SART1: variants seen among roughly 807,000 people sequenced by gnomAD.
The protein encoded by SART1 is spliceosome associated factor 1, recruiter of U4/U6.U5 tri-snRNP.
Under a neutral mutation model 105.0 loss-of-function variants are expected in SART1, and 28 were observed. The observed-to-expected ratio is 0.27, with a 90% confidence interval of 0.20 to 0.37. The LOEUF (loss-of-function observed/expected upper bound fraction) is 0.37, where lower values mean the gene tolerates loss of function less well. Ranked by LOEUF, SART1 falls within the 10% of genes least tolerant of loss-of-function variation. The pLI is 1.00. For missense variants in SART1, 894 were observed against 1,106.5 expected (o/e 0.81, Z 2.72); for synonymous variants, 472 against 462.9 (o/e 1.02, Z -0.25).
intron 1 of SART1, 22 bp downstream of exon 1, chr11:65,962,115 AG>A: frequency 4.3e-5 from 1 of 23,402 alleles, no homozygotes; most frequent in Non-Finnish European, 6.7e-5. Flanking sequence ...GGGCCTGCGC[AG>A]GGGGCGGGTC....
Position 65,976,457 on chromosome 11 carries a change from C to T in SART1, c.1635C>T (p.Pro545=), listed in dbSNP as rs761112338. 9.6e-6 allele frequency: 15 copies of T among 1,570,218 alleles called. No individual in the cohort carries two copies. Among genetic ancestry groups the T allele is most frequent in the East Asian group, 4.5e-5 (2 of 44,592 alleles). Reference sequence around the variant, plus strand: ...GGGGCTGGGAGGAGGATGAGGATCCCGAGCGGAAGGGGGCCATCGTGTTCA... The same window carrying T: ...GGGGCTGGGAGGAGGATGAGGATCCTGAGCGGAAGGGGGCCATCGTGTTCA... The part of the protein sequence containing the change: ...RQRGWEEDED[P]ERKGAIVFNA... The change falls in exon 13 of 20, where the codon CCC becomes CCT. Residue 545 remains proline, a synonymous_variant. Coordinates refer to ENST00000312397, the MANE Select transcript of SART1 (RefSeq NM_005146.5). This position sits in a 1 kb window ranked among gnomAD's most constrained non-coding sequence, Gnocchi z 5.1.
chr11:65,967,312 G>A lies in SART1; in HGVS notation c.1242G>A (p.Lys414=), dbSNP rs749863802. 6.2e-7 allele frequency: 1 copy of A among 1,614,180 alleles called. No homozygotes were observed. Among genetic ancestry groups the A allele is most frequent in the Non-Finnish European group, 8.5e-7 (1 of 1,180,032 alleles). The change falls in exon 10 of 20, where the codon AAG becomes AAA. Residue 414 remains lysine, a synonymous_variant. Transcript: ENST00000312397. ...TGAAGAAAATCCGCAAGAAGGAGAA[G>A]GAGGTAGTAGTGCGGGCAGATGACT... ...RRVKKIRKKE[K]EVVVRADDLL...
chr11:65,970,055 C>G (rs949991764), intron 12 of SART1, among the ~76,000 whole-genome samples: 1 of 152,100 alleles, frequency 6.6e-6, no homozygotes, highest in African/African-American at 2.4e-5. Context: ...TGAGCCACAC[C>G]CCACACACTG....
chr11:65,970,338 CTT>C (rs1369271999), intron 12 of SART1, among the ~76,000 whole-genome samples: 1 of 152,098 alleles, frequency 6.6e-6, no homozygotes, highest in Non-Finnish European at 1.5e-5. Context: ...CCCAAAATGT[CTT>C]TTTAGTTTTT....
Position 65,965,324 on chromosome 11 carries a change from A to G in SART1, c.555-18A>G. ...GCAGGAGCTGGGCTCCTTGAGCATC[A>G]CTTTTTCCCCTCTTCAGGAAGATAA... On this transcript the variant is annotated intron_variant, in intron 4 of 19. Coordinates refer to ENST00000312397, the MANE Select transcript of SART1 (RefSeq NM_005146.5). The G allele has an allele frequency of 6.3e-7, 1 of 1,595,138 alleles. No individual in the cohort carries two copies. Among genetic ancestry groups the G allele is most frequent in the Non-Finnish European group, 8.5e-7 (1 of 1,170,850 alleles).
chr11:65,966,260 A>G, intron 8 of SART1, 42 bp downstream of exon 8: 1 of 1,613,484 alleles, frequency 6.2e-7, no homozygotes, highest in Non-Finnish European at 8.5e-7. Context: ...TGAGGTGGAG[A>G]ATGTCGGGAA....
chr11:65,971,012 A>G (rs74188201), intron 12 of SART1, among the ~76,000 whole-genome samples: 2 of 4,730 alleles, frequency 4.2e-4, no homozygotes, highest in Non-Finnish European at 4.1e-4. Context: ...GAGGAGGGGG[A>G]TGGTGGGATT....
At position 65,976,833 on chromosome 11, in the gene SART1, G is replaced by C. The variant is rs528348040; in HGVS notation, c.1857+67G>C. The C allele has an allele frequency of 5.1e-6, 7 of 1,361,884 alleles. No homozygotes were observed. Among genetic ancestry groups the C allele is most frequent in the Non-Finnish European group, 6.1e-6 (6 of 980,418 alleles). The allele number at this position is 1,361,884 out of a possible 1,614,324, so 84.4% of individuals were successfully genotyped here. A position where few individuals can be genotyped will look rare whatever the true frequency, so the allele number is the denominator to read the frequency against. ...CAAGCTGGAGATGAGCACCGGGCTC[G>C]GTGTCCAGAGCCTCAGCCTCCTCAT... is the stretch of plus-strand genomic sequence containing the variant. On this transcript the variant is annotated intron_variant, in intron 14 of 19. Transcript: ENST00000312397. This position sits in a 1 kb window ranked among gnomAD's most constrained non-coding sequence, Gnocchi z 5.1.
intron 4 of SART1, 53 bp from the exon 5 acceptor site, chr11:65,965,288 TG>T: frequency 6.2e-7 from 1 of 1,603,670 alleles, no homozygotes; most frequent in Non-Finnish European, 8.5e-7. Flanking sequence ...GCCTCTTGAG[TG>T]GGGTGGGGAG....
chr11:65,977,281 G>A (rs1337317746), intron 15 of SART1, among the ~76,000 whole-genome samples, 180 bp downstream of exon 15: 1 of 152,208 alleles, frequency 6.6e-6, no homozygotes, highest in Non-Finnish European at 1.5e-5. Flanking sequence ...CTCTGCCTTT[G>A]AGGCTCCACA....
rs753303090 is a variant in SART1 at position 65,978,457 on chromosome 11, C to T, written c.2173-143C>T. On this transcript the variant is annotated intron_variant, in intron 17 of 19. Coordinates refer to ENST00000312397, the MANE Select transcript of SART1 (RefSeq NM_005146.5). The surrounding 1 kb of genome is among the most constrained non-coding windows in gnomAD (Gnocchi z 6.8). ...CCTGCAGGGTGCCAGCGTCTGTGCT[C>T]TTTTCCCATCCCCTTCCCACTGCAC... 588 of 781,546 alleles carry T rather than the reference C, an allele frequency of 7.5e-4. 4 individuals are homozygous for T. The highest frequency in any genetic ancestry group is 1.4e-3 in the Admixed American group (62 of 45,760). 48.4% of individuals were successfully genotyped at this position (781,546 alleles called of 1,614,324 possible).
rs1315178273 is a variant in SART1, at chr11:65,967,672, C to T, written c.1430-7C>T. On this transcript the variant is annotated splice_polypyrimidine_tract_variant and splice_region_variant and intron_variant, in intron 11 of 19. Transcript: ENST00000312397. The stretch of plus-strand genomic sequence containing the variant: ...GTCTGAGCAGGCATCCCCTGTGTTT[C>T]CCCCAGAGGAAGGTGGAGCTCCACC... The T allele has an allele frequency of 1.3e-6, 2 of 1,577,228 alleles. No homozygotes were observed. Among genetic ancestry groups the T allele is most frequent in the Middle Eastern group, 3.4e-4 (2 of 5,800 alleles).
In SART1 at chr11:65,977,863, C is replaced by T. The variant is rs761094550; in HGVS notation, c.2136C>T (p.Tyr712=). The change falls in exon 17 of 20, where the codon TAC becomes TAT. Residue 712 remains tyrosine, a synonymous_variant. Coordinates refer to ENST00000312397, the MANE Select transcript of SART1 (RefSeq NM_005146.5). ...DGYKPDVKIE[Y]VDETGRKLTP... is the part of the protein sequence containing the mutation. ...ACAAACCCGACGTTAAGATCGAATA[C>T]GTGGATGAGACGGGCCGGAAACTCA... 1.7e-5 allele frequency: 27 copies of T among 1,613,592 alleles called. No homozygotes were observed. The highest frequency in any genetic ancestry group is 2.2e-5 in the East Asian group (1 of 44,822).
chr11:65,966,415 C>T lies in SART1; in HGVS notation c.1047C>T (p.Phe349=), dbSNP rs1352013167. ...TTGAAGGGGAGCGGCCACATTCCTT[C>T]CGCTTGGAGCAGGGCGGCACGGCTG... ...EELEGERPHS[F]RLEQGGTADG... The change falls in exon 9 of 20, where the codon TTC becomes TTT. Residue 349 remains phenylalanine (F), a synonymous_variant. Transcript: ENST00000312397. The T allele has an allele frequency of 4.3e-6, 7 of 1,613,776 alleles. No individual in the cohort carries two copies. Among genetic ancestry groups the T allele is most frequent in the African/African-American group, 1.3e-5 (1 of 74,944 alleles).
chr11:65,976,851 C>A lies in SART1; in HGVS notation c.1857+85C>A. On this transcript the variant is annotated intron_variant, in intron 14 of 19. Transcript: ENST00000312397. This position sits in a 1 kb window ranked among gnomAD's most constrained non-coding sequence, Gnocchi z 5.1. ...CGGGCTCGGTGTCCAGAGCCTCAGC[C>A]TCCTCATCCAGAGTGGGCTCTGCAG... The A allele has an allele frequency of 7.9e-7, 1 of 1,265,940 alleles. No individual in the cohort carries two copies. Among genetic ancestry groups the A allele is most frequent in the Non-Finnish European group, 1.1e-6 (1 of 896,490 alleles). The allele number at this position is 1,265,940 out of a possible 1,614,324, so 78.4% of individuals were successfully genotyped here. A position where few individuals can be genotyped will look rare whatever the true frequency, so the allele number is the denominator to read the frequency against.
Position 65,966,474 on chromosome 11 carries a change from G to C in SART1, c.1106G>C (p.Arg369Pro), listed in dbSNP as rs765745984. 5.6e-6 allele frequency: 9 copies of C among 1,610,452 alleles called. No individual in the cohort carries two copies. The highest frequency in any genetic ancestry group is 5.5e-5 in the South Asian group (5 of 90,796). Reference protein sequence around the residue: ...GLRERELEEIRAKLRLQAQSL... With the variant: ...GLRERELEEIPAKLRLQAQSL... ...CGGGAGCGGGAGCTGGAGGAGATCCGGGCCAAGCTGCGGCTGCAGGCTCAG... is the reference window on the plus strand; with the variant it reads ...CGGGAGCGGGAGCTGGAGGAGATCCCGGCCAAGCTGCGGCTGCAGGCTCAG... Residue 369 changes from arginine (R) to proline (P), a missense_variant, in exon 9 of 20, where the codon CGG becomes CCG. Physicochemically the swap from Arg to Pro is moderately radical, Grantham distance 103. Coordinates refer to ENST00000312397, the MANE Select transcript of SART1 (RefSeq NM_005146.5).
chr11:65,975,671 A>T (rs545006741), intron 12 of SART1, among the ~76,000 whole-genome samples: 175 of 152,112 alleles, frequency 1.2e-3, no homozygotes, highest in Non-Finnish European at 1.3e-3. Flanking sequence ...AGATTTTTTT[A>T]AAAAAATGAA....
intron 12 of SART1, among the ~76,000 whole-genome samples, chr11:65,969,388 A>C (rs143757952): frequency 6.6e-6 from 1 of 152,208 alleles, no homozygotes; most frequent in Non-Finnish European, 1.5e-5. Context: ...TGAAATGAAC[A>C]TAAGGGTTTC....
At position 65,967,758 on chromosome 11, in the gene SART1, G is replaced by GGA. The variant is rs1273980554; in HGVS notation, c.1512_1513dup (p.Lys505ArgfsTer26). 1 of 1,551,838 alleles carries GGA rather than the reference G, an allele frequency of 6.4e-7. No individual in the cohort carries two copies. The highest frequency in any genetic ancestry group is 1.4e-5 in the African/African-American group (1 of 73,278). On this transcript the variant is annotated frameshift_variant, in exon 12 of 20. Coordinates refer to ENST00000312397, the MANE Select transcript of SART1 (RefSeq NM_005146.5). LOFTEE classifies it high-confidence loss of function. ...CGGAGCTGGAGCTGCAGAAGCAGCT[G>GGA]GAGAAGGGACGCCGGCTGCGACAGT...
Sources: gnomAD v4.1 joint callset for allele counts (sites outside exome capture counted in the v4.1 genomes callset) on GRCh38, gnomAD v4.1.1 for gene constraint, Gnocchi (gnomAD v3.1) non-coding constraint, MANE v1.5 for transcripts, NCBI Gene and HGNC (gene_info 2026-07-23, HGNC 2026-07-21) for gene names.